The following DRC9 variants were observed in gnomAD, a reference collection of about 807,000 sequenced individuals.
DRC9 encodes the protein dynein regulatory complex subunit 9, also known as dynein regulatory complex protein 9.
the DRC9 span, among the ~76,000 whole-genome samples, chr3:197,914,572 T>C: frequency 6.6e-6 from 1 of 152,116 alleles, no homozygotes; most frequent in African/African-American, 2.4e-5. Flanking sequence ...CAATAGTCAT[T>C]AAGAAAAATA....
chr3:197,940,262 C>T, the DRC9 span, among the ~76,000 whole-genome samples: 5 of 151,238 alleles, frequency 3.3e-5, no homozygotes, highest in Non-Finnish European at 7.4e-5. Context: ...TCCCAAAGTG[C>T]TGGGATGACA....
At chr3:197,926,098 T>C in the DRC9 span, 12 of 1,523,620 alleles carry the variant, frequency 7.9e-6, no homozygotes, top group South Asian at 1.0e-4. Context: ...TTTCTTCCTT[T>C]TTCCTCCCTA....
At chr3:197,919,521 C>T in the DRC9 span, among the ~76,000 whole-genome samples, 1 of 152,220 alleles carries the variant, frequency 6.6e-6, no homozygotes, top group Admixed American at 6.5e-5. Flanking sequence ...ACTGATGCAT[C>T]ACAGTTTTGG....
At chr3:197,927,190 G>T in the DRC9 span, among the ~76,000 whole-genome samples, 1 of 152,004 alleles carries the variant, frequency 6.6e-6, no homozygotes, top group East Asian at 1.9e-4. Flanking sequence ...ACTGCAGCTA[G>T]GTAAAGATTT....
At chr3:197,910,718 G>T in the DRC9 span, among the ~76,000 whole-genome samples, 1 of 152,224 alleles carries the variant, frequency 6.6e-6, no homozygotes, top group East Asian at 1.9e-4. Context: ...GGTGGCTCAC[G>T]CCTGTAATCC....
At chr3:197,918,716 T>G in the DRC9 span, among the ~76,000 whole-genome samples, 1 of 152,236 alleles carries the variant, frequency 6.6e-6, no homozygotes, top group South Asian at 2.1e-4. Flanking sequence ...ATATTAAGAC[T>G]TCAGAGTAAC....
chr3:197,936,062 G>A, the DRC9 span, among the ~76,000 whole-genome samples: 2 of 151,890 alleles, frequency 1.3e-5, no homozygotes, highest in Non-Finnish European at 2.9e-5. Flanking sequence ...TGCTCGGGAG[G>A]CTGAAGCAGG....
the DRC9 span, chr3:197,913,473 C>T: frequency 9.9e-6 from 3 of 302,768 alleles, no homozygotes; most frequent in African/African-American, 4.3e-5. Context: ...CGAAGTTCAG[C>T]GCTCTCGATG....
At chr3:197,938,499 A>C in the DRC9 span, 2 of 1,428,746 alleles carry the variant, frequency 1.4e-6, no homozygotes, top group African/African-American at 2.8e-5. Flanking sequence ...CCCTTCGCTC[A>C]TCTATGTGTA....
At chr3:197,951,601 C>G in the DRC9 span, 1 of 396,420 alleles carries the variant, frequency 2.5e-6, no homozygotes, top group South Asian at 2.3e-5. Flanking sequence ...GATCCGCCCA[C>G]CTCGGCCTCC....
chr3:197,904,640 C>T, the DRC9 span, among the ~76,000 whole-genome samples: 1 of 151,972 alleles, frequency 6.6e-6, no homozygotes, highest in Non-Finnish European at 1.5e-5. Context: ...CGAGGCAGAT[C>T]ACCTGAGGTC....
chr3:197,953,883 A>T, the DRC9 span: 1 of 902,608 alleles, frequency 1.1e-6, no homozygotes, highest in Non-Finnish European at 1.8e-6. Context: ...CTAGGCATTT[A>T]AAGTTTCTCA....
the DRC9 span, among the ~76,000 whole-genome samples, chr3:197,935,438 C>CAAA: frequency 1.6e-5 from 2 of 123,316 alleles, no homozygotes; most frequent in African/African-American, 8.5e-5. Flanking sequence ...GACTCTGTCT[C>CAAA]CAAAAAAAAA....
the DRC9 span, chr3:197,891,576 A>G: frequency 5.4e-6 from 7 of 1,294,260 alleles, no homozygotes; most frequent in East Asian, 2.3e-5. Flanking sequence ...ATCATTTATT[A>G]TAGTACTCTC....
chr3:197,914,504 C>G, the DRC9 span, among the ~76,000 whole-genome samples: 2 of 152,192 alleles, frequency 1.3e-5, no homozygotes, highest in Non-Finnish European at 2.9e-5. Flanking sequence ...TCCTTGAGAA[C>G]ACGTGTGAAA....
the DRC9 span, among the ~76,000 whole-genome samples, chr3:197,941,340 CCTCTGT>C: frequency 0.089 from 7,437 of 83,748 alleles, 986 homozygotes; most frequent in African/African-American, 0.28. Flanking sequence ...CTCTCTCTCC[CCTCTGT>C]CTCTTTCTTT....
At chr3:197,952,860 T>C in the DRC9 span, among the ~76,000 whole-genome samples, 6 of 151,092 alleles carry the variant, frequency 4.0e-5, no homozygotes, top group African/African-American at 1.5e-4. Flanking sequence ...TGAGACAAAG[T>C]GTTGCTCTGT....
At chr3:197,890,274 T>A in the DRC9 span, among the ~76,000 whole-genome samples, 1 of 152,084 alleles carries the variant, frequency 6.6e-6, no homozygotes. Context: ...GCCTGGTGGC[T>A]TGTGCCTATA....
the DRC9 span, chr3:197,912,696 C>T: frequency 1.2e-6 from 2 of 1,614,012 alleles, no homozygotes; most frequent in Non-Finnish European, 1.7e-6. Flanking sequence ...TTCTAAGGAA[C>T]ATTTCAATCT....
Sources: gnomAD v4.1 joint callset for allele counts (sites outside exome capture counted in the v4.1 genomes callset) on GRCh38, gnomAD v4.1.1 for gene constraint, MANE v1.5 for transcripts, NCBI Gene and HGNC (gene_info 2026-07-23, HGNC 2026-07-21) for gene names.